KIFC3: variants seen among roughly 807,000 people sequenced by gnomAD.
KIFC3 encodes the protein kinesin family member C3, also known as kinesin-like protein KIFC3.
Under a neutral mutation model 101.8 loss-of-function variants are expected in KIFC3, and 60 were observed. That is an observed-to-expected ratio of 0.59 (90% confidence interval 0.48 to 0.73). The LOEUF (loss-of-function observed/expected upper bound fraction) is 0.73, where lower values mean the gene tolerates loss of function less well. Ranked by LOEUF, KIFC3 falls within the 30% of genes least tolerant of loss-of-function variation. The pLI, the probability that KIFC3 is intolerant of heterozygous loss-of-function variation, is 0.00. For missense variants in KIFC3, 966 were observed against 1,137.1 expected, an observed-to-expected ratio of 0.85 and a Z score of 2.16; for synonymous variants, 476 against 482.7, an observed-to-expected ratio of 0.99 and a Z score of 0.18.
Position 57,769,965 on chromosome 16 carries a change from C to G in KIFC3, c.940-10G>C, listed in dbSNP as rs1555606401. 6 of 1,609,840 alleles carry G rather than the reference C, an allele frequency of 3.7e-6. No homozygotes were observed. The highest frequency in any genetic ancestry group is 5.1e-6 in the Non-Finnish European group (6 of 1,179,654). ...ACTCGTACATGGCAATCTGGCCAGACCAGGAAAAGGCTCAGTACCTCGAGG... is the reference window on the plus strand; with the variant it reads ...ACTCGTACATGGCAATCTGGCCAGAGCAGGAAAAGGCTCAGTACCTCGAGG... On this transcript the variant is annotated splice_polypyrimidine_tract_variant and intron_variant, in intron 7 of 19. Coordinates refer to ENST00000445690, the MANE Select transcript of KIFC3 (RefSeq NM_001130100.2). The surrounding 1 kb of genome is among the most constrained non-coding windows in gnomAD (Gnocchi z 4.3).
In KIFC3 at chr16:57,761,916, A is replaced by T. The variant is rs144285112; in HGVS notation, c.1748+224T>A. 2.2e-4 allele frequency among the ~76,000 whole-genome samples: 33 copies of T among 149,904 alleles called. 1 individual carries two copies. Among genetic ancestry groups the T allele is most frequent in the African/African-American group, 7.6e-4 (31 of 40,562 alleles). ...CTTGACGGCCTCATCTGGTCCCTACACTCCCTTCACCTTGACGGCCTCATC... is the reference window on the plus strand; with the variant it reads ...CTTGACGGCCTCATCTGGTCCCTACTCTCCCTTCACCTTGACGGCCTCATC... On this transcript the variant is annotated intron_variant, in intron 13 of 19. Transcript: ENST00000445690.
At chr16:57,782,199 G>C (rs1555615204) in intron 3 of KIFC3, 2 of 944,624 alleles carry the variant, frequency 2.1e-6, no homozygotes, top group Non-Finnish European at 2.5e-6. Flanking sequence ...TCTTACAACA[G>C]ATCCACCCCC....
At chr16:57,819,850 T>C (rs1360257364) in intron 1 of KIFC3, among the ~76,000 whole-genome samples, 4 of 151,762 alleles carry the variant, frequency 2.6e-5, no homozygotes, top group Admixed American at 6.6e-5. Context: ...TGAGCCACCG[T>C]GCCTGGCCCT....
At chr16:57,790,951 C>T (rs1238995558) in intron 3 of KIFC3, 1 of 984,998 alleles carries the variant, frequency 1.0e-6, no homozygotes, top group Non-Finnish European at 1.2e-6. Flanking sequence ...AGGAATATTC[C>T]TGCTGGGCGC....
chr16:57,833,866 C>CCTTTTTTT (rs2055632687), intron 1 of KIFC3, among the ~76,000 whole-genome samples: 1 of 111,296 alleles, frequency 9.0e-6, no homozygotes, highest in South Asian at 3.1e-4. Context: ...AATGCAGTTG[C>CCTTTTTTT]TTTTTTTTTT....
In KIFC3 at chr16:57,774,576, G is replaced by A. The variant is rs2051773144; in HGVS notation, c.316-2288C>T. ...CTCACTCTGTCACCCAGGCTGGAGT[G>A]CAGTGCCTCGATCTAGGCTCACTGC... On this transcript the variant is annotated intron_variant, in intron 3 of 19. Coordinates refer to ENST00000445690, the MANE Select transcript of KIFC3 (RefSeq NM_001130100.2). 3 of 193,894 alleles carry A rather than the reference G, an allele frequency of 1.5e-5. No individual in the cohort carries two copies. The Admixed American group carries it at 1.8e-4, about 12-fold the overall frequency. The allele number at this position is 193,894 out of a possible 1,614,324, so 12.0% of individuals were successfully genotyped here.
chr16:57,847,806 G>A (rs111610119), intron 1 of KIFC3, among the ~76,000 whole-genome samples: 1,574 of 150,194 alleles, frequency 0.01, 27 homozygotes, highest in African/African-American at 0.037. Context: ...GTGTGTGTGA[G>A]ACCGAGTCTC....
At chr16:57,787,460 G>A (rs2053451509) in intron 3 of KIFC3, among the ~76,000 whole-genome samples, 2 of 152,238 alleles carry the variant, frequency 1.3e-5, no homozygotes, top group African/African-American at 4.8e-5. Context: ...CAGCACCGCG[G>A]CAGGGCAGTG....
chr16:57,840,181 T>C (rs2055775350), intron 1 of KIFC3, among the ~76,000 whole-genome samples: 1 of 151,518 alleles, frequency 6.6e-6, no homozygotes, highest in African/African-American at 2.4e-5. Context: ...CTACTAACAA[T>C]ACAAAAATTA....
At chr16:57,814,076 T>C (rs1555628314) in intron 1 of KIFC3, among the ~76,000 whole-genome samples, 1 of 152,166 alleles carries the variant, frequency 6.6e-6, no homozygotes, top group Non-Finnish European at 1.5e-5. Context: ...ACCTTGTCAT[T>C]GTGGGTCATT....
chr16:57,795,033 G>C lies in KIFC3; in HGVS notation c.281C>G (p.Pro94Arg). The change falls in exon 3 of 20, where the codon CCC (proline) becomes CGC (arginine). Residue 94 changes from proline to arginine, a missense_variant. Pro to Arg is a moderately radical substitution (Grantham distance 103, BLOSUM62 -2). Transcript: ENST00000445690. ...CRALSVDWAG[P>R]GSPHGLYLTL... Reference sequence around the variant, plus strand: ...CAGGTAGAGCCCGTGGGGGCTTCCGGGGCCAGCCCAGTCCACGCTAAGGGC... The same window carrying C: ...CAGGTAGAGCCCGTGGGGGCTTCCGCGGCCAGCCCAGTCCACGCTAAGGGC... The C allele has an allele frequency of 8.8e-6, 14 of 1,597,852 alleles. No individual in the cohort carries two copies. The highest frequency in any genetic ancestry group is 1.2e-5 in the Non-Finnish European group (14 of 1,174,346).
At chr16:57,803,828 G>C (rs905115538), upstream of KIFC3, among the ~76,000 whole-genome samples, 11 of 152,222 alleles carry the variant, frequency 7.2e-5, no homozygotes, top group Non-Finnish European at 1.5e-4. Context: ...TCCAATGGGA[G>C]AGAAAGCCTT....
At chr16:57,791,603 C>T (rs114541210) in intron 3 of KIFC3, among the ~76,000 whole-genome samples, 3,117 of 152,214 alleles carry the variant, frequency 0.02, 122 homozygotes, top group African/African-American at 0.072. Context: ...TGTGGGGGCC[C>T]GCCAGGATGT....
intron 18 of KIFC3, 48 bp downstream of exon 18, chr16:57,759,680 C>CTATT (rs782104309): frequency 7.0e-7 from 1 of 1,434,200 alleles, no homozygotes; most frequent in South Asian, 1.2e-5. Flanking sequence ...AGCCTGGTGA[C>CTATT]TATTACCCTG....
chr16:57,816,576 G>A (rs2055230252), intron 1 of KIFC3: 1 of 456,614 alleles, frequency 2.2e-6, no homozygotes. Flanking sequence ...AGTGGCGGAG[G>A]AATGTTGTTG....
intron 3 of KIFC3, chr16:57,785,398 G>T: frequency 9.7e-7 from 1 of 1,031,980 alleles, no homozygotes; most frequent in Non-Finnish European, 1.2e-6. Flanking sequence ...CAGGTGCCCA[G>T]GTGATGTCCT....
chr16:57,759,171 G>A lies in KIFC3; in HGVS notation c.2477-18C>T. On this transcript the variant is annotated intron_variant, in intron 18 of 19. Transcript: ENST00000445690. ...CCGTCAGGCTGAAATCAAAGTGACA[G>A]GCGTCTCACTGGTGGGCTTGCCTTG... is the stretch of plus-strand genomic sequence containing the variant. 1 of 1,550,942 alleles carries A rather than the reference G, an allele frequency of 6.4e-7. No homozygotes were observed. The highest frequency in any genetic ancestry group is 8.7e-7 in the Non-Finnish European group (1 of 1,146,972).
At chr16:57,845,671 ATCACAACTCAC>A (rs1333024865) in intron 1 of KIFC3, among the ~76,000 whole-genome samples, 1 of 151,974 alleles carries the variant, frequency 6.6e-6, no homozygotes, top group Non-Finnish European at 1.5e-5. Context: ...CTTAGTTAAA[ATCACAACTCAC>A]TCCTCATCTT....
chr16:57,851,850 C>T (rs2056067121), intron 1 of KIFC3, among the ~76,000 whole-genome samples: 1 of 152,144 alleles, frequency 6.6e-6, no homozygotes, highest in Admixed American at 6.6e-5. Context: ...CGCGATTCTC[C>T]TGCCTCAGCC....
Sources: gnomAD v4.1 joint callset for allele counts (sites outside exome capture counted in the v4.1 genomes callset) on GRCh38, gnomAD v4.1.1 for gene constraint, Gnocchi (gnomAD v3.1) non-coding constraint, MANE v1.5 for transcripts, NCBI Gene and HGNC (gene_info 2026-07-23, HGNC 2026-07-21) for gene names.